The following ZNF57 variants were observed in gnomAD, a reference collection of about 807,000 sequenced individuals.
The protein encoded by ZNF57 is zinc finger protein 424.
In ZNF57, 11 loss-of-function variants were observed where a neutral mutation model predicts 13.4. The observed-to-expected ratio is 0.82, with a 90% confidence interval of 0.52 to 1.36. The LOEUF (loss-of-function observed/expected upper bound fraction) is 1.36. Ranked by LOEUF, ZNF57 falls within the 40% of genes most tolerant of loss-of-function variation. The pLI, the probability that ZNF57 is intolerant of heterozygous loss-of-function variation, is 0.00. For synonymous variants in ZNF57, 224 were observed against 238.5 expected, an observed-to-expected ratio of 0.94 and a Z score of 0.56; for missense variants, 696 against 667.5, an observed-to-expected ratio of 1.04 and a Z score of -0.47.
In ZNF57 at chr19:2,917,045, T is replaced by G; in HGVS notation, c.424T>G (p.Cys142Gly). The G allele has an allele frequency of 1.2e-6, 2 of 1,614,208 alleles. No individual in the cohort carries two copies. Among genetic ancestry groups the G allele is most frequent in the Non-Finnish European group, 1.7e-6 (2 of 1,180,030 alleles). ...KVSAGEKPYECTKCRTVFTHL... is the reference protein window; with the variant it reads ...KVSAGEKPYEGTKCRTVFTHL... ...TTCTGCTGGAGAAAAACCATATGAA[T>G]GCACCAAGTGCAGGACAGTCTTCAC... Residue 142 changes from cysteine to glycine, a missense_variant, in exon 4 of 4, where the codon TGC (cysteine) becomes GGC (glycine). Around this residue, in one of 3 missense-constraint regions of ZNF57, gnomAD observed 645 missense variants for 591.5 expected, o/e 1.09. Transcript: ENST00000306908.
intron 1 of ZNF57, among the ~76,000 whole-genome samples, chr19:2,909,280 TG>T (rs1251873488): frequency 1.3e-4 from 16 of 122,424 alleles, no homozygotes; most frequent in Non-Finnish European, 2.1e-4. Flanking sequence ...TATTTATTTT[TG>T]TTTTTTTTTT....
intron 3 of ZNF57, 73 bp from the exon 4 acceptor site, chr19:2,916,850 TA>T: frequency 1.6e-6 from 2 of 1,284,624 alleles, no homozygotes; most frequent in East Asian, 2.4e-5. Flanking sequence ...ACATTATTTC[TA>T]ATACTTGTTA....
In ZNF57 at chr19:2,915,600, C is replaced by G. The variant is rs747591294; in HGVS notation, c.82C>G (p.Leu28Val). The G allele has an allele frequency of 1.4e-5, 23 of 1,613,916 alleles. No homozygotes were observed. The highest frequency in any genetic ancestry group is 1.9e-5 in the Non-Finnish European group (23 of 1,179,932). ...TTTGCTGGATTCTGCTCAGAGGGACCTCTACAGAGATGTGATGCTGGAGAC... is the reference window on the plus strand; with the variant it reads ...TTTGCTGGATTCTGCTCAGAGGGACGTCTACAGAGATGTGATGCTGGAGAC... ...WALLDSAQRD[L>V]YRDVMLETFR... The change falls in exon 2 of 4, where the codon CTC becomes GTC. Residue 28 changes from leucine to valine, a missense_variant. Transcript: ENST00000306908.
Position 2,917,119 on chromosome 19 carries a change from A to AGCACCTCC in ZNF57, c.499_506dup (p.Gly170HisfsTer49). 1 of 1,613,990 alleles carries AGCACCTCC rather than the reference A, an allele frequency of 6.2e-7. No individual in the cohort carries two copies. ...ACGTCAAGTCTCACTGTGGACGAAA[A>AGCACCTCC]GCACCTCCAGGTGAGGAATGTAAGC... On this transcript the variant is annotated frameshift_variant, in exon 4 of 4. Coordinates refer to ENST00000306908, the MANE Select transcript of ZNF57 (RefSeq NM_173480.3). LOFTEE classifies it low-confidence loss of function (END_TRUNC).
chr19:2,917,419 A>T lies in ZNF57; in HGVS notation c.798A>T (p.Thr266=). The stretch of plus-strand genomic sequence containing the variant: ...GGAGAGCCTTCATTTATCCCTCGAC[A>T]TTTCAAAGACACATGACAACACACA... ...ECGRAFIYPS[T]FQRHMTTHTG... is the part of the protein sequence containing the mutation. Residue 266 remains threonine (T), a synonymous_variant, in exon 4 of 4, where the codon ACA becomes ACT. Coordinates refer to ENST00000306908, the MANE Select transcript of ZNF57 (RefSeq NM_173480.3). 6.2e-7 allele frequency: 1 copy of T among 1,614,158 alleles called. No individual in the cohort carries two copies. The highest frequency in any genetic ancestry group is 8.5e-7 in the Non-Finnish European group (1 of 1,180,034).
intron 1 of ZNF57, among the ~76,000 whole-genome samples, chr19:2,903,304 C>T (rs1175725668): frequency 2.0e-5 from 3 of 152,080 alleles, no homozygotes; most frequent in East Asian, 1.9e-4. Context: ...ATCCGCCTCC[C>T]GGGTTCAAGC....
intron 1 of ZNF57, among the ~76,000 whole-genome samples, chr19:2,904,051 G>A (rs1394743554): frequency 9.2e-5 from 14 of 151,834 alleles, no homozygotes; most frequent in Admixed American, 8.5e-4. Flanking sequence ...TTGTAGAGAC[G>A]GGGGGCCTCG....
At chr19:2,902,050 G>A (rs2088034773) in intron 1 of ZNF57, among the ~76,000 whole-genome samples, 1 of 151,420 alleles carries the variant, frequency 6.6e-6, no homozygotes, top group South Asian at 2.1e-4. Context: ...CAAGGGCGAG[G>A]AGGACGTATC....
At chr19:2,916,360 C>A (rs201062375) in intron 3 of ZNF57, 111 bp downstream of exon 3, 58 of 786,540 alleles carry the variant, frequency 7.4e-5, no homozygotes, top group South Asian at 1.7e-4. Context: ...GAATTTTAAC[C>A]AAAAAAAAAA....
At chr19:2,901,135 G>A in intron 1 of ZNF57, 87 bp downstream of exon 1, 10 of 1,459,502 alleles carry the variant, frequency 6.9e-6, no homozygotes, top group Non-Finnish European at 9.2e-6. Context: ...CTGCGGCCGG[G>A]ATTGGCTGAG....
Position 2,917,502 on chromosome 19 carries a change from C to G in ZNF57, c.881C>G (p.Ala294Gly). The change falls in exon 4 of 4, where the codon GCT (alanine) becomes GGT (glycine). Residue 294 changes from alanine to glycine, a missense_variant. Ala to Gly is a moderately conservative substitution (Grantham distance 60). Around this residue, in one of 3 missense-constraint regions of ZNF57, gnomAD observed 645 missense variants for 591.5 expected, o/e 1.09. Coordinates refer to ENST00000306908, the MANE Select transcript of ZNF57 (RefSeq NM_173480.3). ...GGGAAAGCCTTCACTTACCCCCAGG[C>G]TTTTCAAAGACATGAGAAGACGCAC... ...HCGKAFTYPQ[A>G]FQRHEKTHTG... is the part of the protein sequence containing the mutation. 6 of 1,613,712 alleles carry G rather than the reference C, an allele frequency of 3.7e-6. No homozygotes were observed. The highest frequency in any genetic ancestry group is 5.1e-6 in the Non-Finnish European group (6 of 1,179,832).
In ZNF57 at chr19:2,918,399, A is replaced by G. The variant is rs191851131; in HGVS notation, c.*110A>G. On this transcript the variant is annotated 3_prime_UTR_variant, in exon 4 of 4. Transcript: ENST00000306908. Reference sequence around the variant, plus strand: ...TACAAGTATGATATTGTCTTTGTCAATACCTCATTTGTAAAACAGACCCAT... The same window carrying G: ...TACAAGTATGATATTGTCTTTGTCAGTACCTCATTTGTAAAACAGACCCAT... The G allele has an allele frequency of 3.1e-4, 374 of 1,221,670 alleles. 2 individuals carry two copies. In the African/African-American group the frequency reaches 5.2e-3, roughly 17 times the overall value. The allele number at this position is 1,221,670 out of a possible 1,614,324, so 75.7% of individuals were successfully genotyped here.
At position 2,900,998 on chromosome 19, in the gene ZNF57, G is replaced by C; in HGVS notation, c.-48G>C. The stretch of plus-strand genomic sequence containing the variant: ...CCTGTACCTTTCAGCTGCGCCGGCC[G>C]CGAGGCCACGGAGAGCTCGCCTTGG... On this transcript the variant is annotated 5_prime_UTR_variant, in exon 1 of 4. Coordinates refer to ENST00000306908, the MANE Select transcript of ZNF57 (RefSeq NM_173480.3). 1 of 1,551,540 alleles carries C rather than the reference G, an allele frequency of 6.4e-7. No individual in the cohort carries two copies. Among genetic ancestry groups the C allele is most frequent in the Admixed American group, 2.0e-5 (1 of 50,876 alleles).
intron 1 of ZNF57, among the ~76,000 whole-genome samples, chr19:2,910,928 G>A (rs1472626585): frequency 1.3e-5 from 2 of 151,654 alleles, no homozygotes; most frequent in Non-Finnish European, 2.9e-5. Context: ...GCCCTGGTTC[G>A]TTGTTCCTTA....
At chr19:2,907,754 C>G (rs920958032) in intron 1 of ZNF57, among the ~76,000 whole-genome samples, 1 of 152,182 alleles carries the variant, frequency 6.6e-6, no homozygotes, top group East Asian at 1.9e-4. Flanking sequence ...CACTCTGTTG[C>G]CCAGACTGGA....
Position 2,900,943 on chromosome 19 carries a change from G to C in ZNF57, c.-103G>C, listed in dbSNP as rs1015820993. 1.4e-6 allele frequency: 2 copies of C among 1,464,230 alleles called. No individual in the cohort carries two copies. Among genetic ancestry groups the C allele is most frequent in the East Asian group, 5.2e-5 (2 of 38,424 alleles). The allele number at this position is 1,464,230 out of a possible 1,614,324, so 90.7% of individuals were successfully genotyped here. On this transcript the variant is annotated 5_prime_UTR_variant, in exon 1 of 4. Coordinates refer to ENST00000306908, the MANE Select transcript of ZNF57 (RefSeq NM_173480.3). ...ACGTTTCGTCCTCCCTGCCGCGCGT[G>C]CCCTGCCTACCACGAGCGGCCCGGG...
At chr19:2,901,678 G>T (rs1022613975) in intron 1 of ZNF57, among the ~76,000 whole-genome samples, 3 of 151,962 alleles carry the variant, frequency 2.0e-5, no homozygotes, top group Non-Finnish European at 4.4e-5. Flanking sequence ...CCGCCCTCAC[G>T]CCCGGCTAAT....
At chr19:2,914,717 G>A (rs1046781506) in intron 1 of ZNF57, among the ~76,000 whole-genome samples, 6 of 152,192 alleles carry the variant, frequency 3.9e-5, no homozygotes, top group African/African-American at 1.4e-4. Flanking sequence ...ATACAGAAAT[G>A]CTGCGTGTGT....
rs780570928 is a variant in ZNF57 at position 2,917,304 on chromosome 19, A to G, written c.683A>G (p.Gln228Arg). 1 of 1,614,136 alleles carries G rather than the reference A, an allele frequency of 6.2e-7. No homozygotes were observed. Among genetic ancestry groups the G allele is most frequent in the Non-Finnish European group, 8.5e-7 (1 of 1,179,962 alleles). The change falls in exon 4 of 4, where the codon CAG becomes CGG. Residue 228 changes from glutamine (Q) to arginine (R), a missense_variant. By Grantham distance (43) the Gln-to-Arg change is conservative (BLOSUM62 1). This residue lies in a region of ZNF57 where 645 missense variants were observed against 591.5 expected (regional missense o/e 1.09). Transcript: ENST00000306908. ...GCAGAGAAAACCTACAAATGCGAGC[A>G]GTGTCGGATGGCGTTTAATGGGTTC... ...HTAEKTYKCE[Q>R]CRMAFNGFAS...
Sources: gnomAD v4.1 joint callset for allele counts (sites outside exome capture counted in the v4.1 genomes callset) on GRCh38, gnomAD v4.1.1 for gene constraint, gnomAD v4.1.1 regional missense constraint, MANE v1.5 for transcripts, NCBI Gene and HGNC (gene_info 2026-07-23, HGNC 2026-07-21) for gene names.